The following HHAT variants were observed in gnomAD, a reference collection of about 807,000 sequenced individuals.
The protein encoded by HHAT is protein-cysteine N-palmitoyltransferase HHAT.
HHAT carries 47 observed loss-of-function variants against 70.8 expected under a neutral mutation model. The observed-to-expected ratio is 0.66, with a 90% confidence interval of 0.53 to 0.85. HHAT has a LOEUF of 0.85. HHAT is among the 40% of genes least tolerant of loss of function. HHAT has a pLI of 0.00. For synonymous variants in HHAT, 228 were observed against 247.6 expected, an observed-to-expected ratio of 0.92 and a Z score of 0.74; for missense variants, 609 against 604.8, an observed-to-expected ratio of 1.01 and a Z score of -0.07.
intron 9 of HHAT, among the ~76,000 whole-genome samples, chr1:210,546,092 A>G (rs559461471): frequency 3.1e-4 from 47 of 152,344 alleles, no homozygotes; most frequent in African/African-American, 1.1e-3. Flanking sequence ...AGATGACACT[A>G]TGCTGTTTCT....
intron 11 of HHAT, among the ~76,000 whole-genome samples, chr1:210,673,975 ATAC>A (rs1680706616): frequency 2.4e-5 from 2 of 84,820 alleles, no homozygotes; most frequent in South Asian, 3.4e-4. Context: ...TTTTTTTATT[ATAC>A]TTTAAGTTTT....
chr1:210,527,742 G>T (rs2095268629), intron 9 of HHAT, among the ~76,000 whole-genome samples: 1 of 152,188 alleles, frequency 6.6e-6, no homozygotes, highest in Non-Finnish European at 1.5e-5. Context: ...CAACAGGGTG[G>T]CCCTAATGAG....
chr1:210,400,850 C>T (rs1208660225), intron 5 of HHAT, among the ~76,000 whole-genome samples, 188 bp downstream of exon 5: 1 of 152,198 alleles, frequency 6.6e-6, no homozygotes, highest in African/African-American at 2.4e-5. Flanking sequence ...TCATTCCTGG[C>T]TGTGTTTTAG....
intron 10 of HHAT, among the ~76,000 whole-genome samples, chr1:210,600,266 C>T (rs1166174401): frequency 1.3e-5 from 2 of 152,092 alleles, no homozygotes; most frequent in East Asian, 1.9e-4. Flanking sequence ...TGGCACAGTG[C>T]CTTTTTGAAT....
intron 9 of HHAT, among the ~76,000 whole-genome samples, chr1:210,584,857 C>A (rs1660086182): frequency 6.6e-6 from 1 of 152,204 alleles, no homozygotes; most frequent in African/African-American, 2.4e-5. Flanking sequence ...ATCCTTATAG[C>A]AAGAACAAAG....
At chr1:210,374,247 G>A (rs183837809) in intron 3 of HHAT, 32 of 142,960 alleles carry the variant, frequency 2.2e-4, no homozygotes, top group East Asian at 5.8e-4. Context: ...AGATTTATTC[G>A]ATCTGAAGAG....
At chr1:210,488,389 C>G (rs2094503984) in intron 8 of HHAT, among the ~76,000 whole-genome samples, 1 of 152,150 alleles carries the variant, frequency 6.6e-6, no homozygotes, top group African/African-American at 2.4e-5. Flanking sequence ...CTTGGCCATT[C>G]CCTAACACAT....
chr1:210,587,893 T>C lies in HHAT; in HGVS notation c.1044-5T>C. 1 of 1,612,132 alleles carries C rather than the reference T, an allele frequency of 6.2e-7. No individual in the cohort carries two copies. The highest frequency in any genetic ancestry group is 1.1e-5 in the South Asian group (1 of 91,052). ...ATGTCTCCTAACAGCCTCTTCTTTC[T>C]CTAGGTATGTGTACATTCCAGTGGG... On this transcript the variant is annotated splice_region_variant and splice_polypyrimidine_tract_variant and intron_variant, in intron 9 of 11. Transcript: ENST00000261458.
intron 2 of HHAT, among the ~76,000 whole-genome samples, chr1:210,352,869 C>G (rs1348364727): frequency 1.3e-5 from 2 of 152,024 alleles, no homozygotes; most frequent in African/African-American, 4.8e-5. Flanking sequence ...GGCTAATCCA[C>G]AGCTGTTGCA....
At position 210,348,988 on chromosome 1, in the gene HHAT, T is replaced by C. The variant is rs777897235; in HGVS notation, c.13T>C (p.Trp5Arg). MLPR[W>R]ELALYLLASL... ...GTGCCAAGGAGCCATGCTGCCCCGA[T>C]GGGAACTGGCACTTTACCTACTTGC... is the stretch of plus-strand genomic sequence containing the variant. The change falls in exon 2 of 12, where the codon TGG (tryptophan) becomes CGG (arginine). Residue 5 changes from tryptophan to arginine, a missense_variant. Trp to Arg is a moderately radical substitution (Grantham distance 101, BLOSUM62 -3). Coordinates refer to ENST00000261458, the MANE Select transcript of HHAT (RefSeq NM_018194.6). The C allele has an allele frequency of 3.1e-6, 5 of 1,614,032 alleles. No homozygotes were observed. The highest frequency in any genetic ancestry group is 1.7e-4 in the Middle Eastern group (1 of 6,060).
At chr1:210,456,891 C>A (rs746568816) in intron 7 of HHAT, among the ~76,000 whole-genome samples, 4 of 152,164 alleles carry the variant, frequency 2.6e-5, no homozygotes, top group African/African-American at 9.7e-5. Context: ...ACCTCTCCCC[C>A]ACACGCTGCT....
Position 210,555,924 on chromosome 1 carries a change from A to G in HHAT, c.1044-31974A>G, listed in dbSNP as rs186053099. On this transcript the variant is annotated intron_variant, in intron 9 of 11. Transcript: ENST00000261458. Reference sequence around the variant, plus strand: ...TATTGATTGGAATTTCTTCCTACCAATACATTTGCTTATTAATGTCGATGT... The same window carrying G: ...TATTGATTGGAATTTCTTCCTACCAGTACATTTGCTTATTAATGTCGATGT... Among the ~76,000 whole-genome samples the G allele has an allele frequency of 9.2e-5, 14 of 152,252 alleles. No individual in the cohort carries two copies. In the East Asian group the frequency reaches 2.5e-3, roughly 27 times the overall value.
intron 3 of HHAT, among the ~76,000 whole-genome samples, chr1:210,380,551 A>T (rs181716723): frequency 1.3e-3 from 199 of 151,398 alleles, no homozygotes; most frequent in African/African-American, 4.8e-3. Context: ...AAAAATAAAT[A>T]AAATAAAATA....
intron 3 of HHAT, chr1:210,374,293 T>C (rs1406717060): frequency 2.0e-5 from 3 of 152,236 alleles, no homozygotes; most frequent in Non-Finnish European, 4.4e-5. Context: ...TTCAACTCAT[T>C]GTTGCAGTAA....
At chr1:210,664,642 C>G (rs1440415023) in intron 11 of HHAT, among the ~76,000 whole-genome samples, 1 of 152,180 alleles carries the variant, frequency 6.6e-6, no homozygotes, top group African/African-American at 2.4e-5. Flanking sequence ...CAGTTAGGGG[C>G]TGATATTCAG....
In HHAT at chr1:210,623,724, G is replaced by A. The variant is rs548708911; in HGVS notation, c.1390+54G>A. On this transcript the variant is annotated intron_variant, in intron 11 of 11. Transcript: ENST00000261458. Reference sequence around the variant, plus strand: ...TCAGTTTCTTGTTTTCCATGTATGCGGATGGGATCATACATGGGATGGATG... The same window carrying A: ...TCAGTTTCTTGTTTTCCATGTATGCAGATGGGATCATACATGGGATGGATG... The A allele has an allele frequency of 7.2e-5, 112 of 1,559,182 alleles. No individual in the cohort carries two copies. The East Asian group carries it at 2.2e-3, about 31-fold the overall frequency.
chr1:210,505,678 G>T (rs1217584897), intron 8 of HHAT, among the ~76,000 whole-genome samples: 1 of 152,162 alleles, frequency 6.6e-6, no homozygotes, highest in East Asian at 1.9e-4. Context: ...AGACAGGAAT[G>T]TAAAGGCTGA....
chr1:210,422,188 A>T (rs931260914), intron 7 of HHAT, among the ~76,000 whole-genome samples: 1 of 152,196 alleles, frequency 6.6e-6, no homozygotes, highest in African/African-American at 2.4e-5. Context: ...GTGCGTAGTG[A>T]TGTTTTGATA....
chr1:210,665,410 G>T (rs1678684274), intron 11 of HHAT, among the ~76,000 whole-genome samples: 1 of 152,130 alleles, frequency 6.6e-6, no homozygotes, highest in Non-Finnish European at 1.5e-5. Flanking sequence ...AGTCACTGGG[G>T]GGACATTACT....
Sources: gnomAD v4.1 joint callset for allele counts (sites outside exome capture counted in the v4.1 genomes callset) on GRCh38, gnomAD v4.1.1 for gene constraint, MANE v1.5 for transcripts, NCBI Gene and HGNC (gene_info 2026-07-23, HGNC 2026-07-21) for gene names.